Variants in ANOS1 observed in about 807,000 individuals in gnomAD.
ANOS1 encodes the protein anosmin-1.
A neutral mutation model predicts 59.0 loss-of-function variants in ANOS1; 6 were observed. The observed-to-expected ratio is 0.10, with a 90% CI of 0.06 to 0.20. The LOEUF (loss-of-function observed/expected upper bound fraction) is 0.20. Ranked by LOEUF, ANOS1 falls within the 10% of genes least tolerant of loss-of-function variation. The pLI is 1.00. For synonymous variants in ANOS1, 217 were observed against 223.4 expected, an observed-to-expected ratio of 0.97 and a Z score of 0.25; for missense variants, 433 against 542.3, an observed-to-expected ratio of 0.80 and a Z score of 2.00.
intron 3 of ANOS1, among the ~76,000 whole-genome samples, chrX:8,603,390 G>C (rs1423978843): frequency 8.9e-6 from 1 of 111,823 alleles, no homozygotes; most frequent in Admixed American, 9.5e-5. Flanking sequence ...TCTCCTAAGA[G>C]CTAAAAACTA....
chrX:8,584,433 A>T (rs1024587095), intron 6 of ANOS1, among the ~76,000 whole-genome samples: 6 of 94,703 alleles, frequency 6.3e-5, no homozygotes, highest in Non-Finnish European at 8.6e-5. Flanking sequence ...TTTGTTTTTA[A>T]AAAAAAGAGG....
In ANOS1 at chrX:8,561,235, G is replaced by C. The variant is rs535722886; in HGVS notation, c.1207+6997C>G. Among the ~76,000 whole-genome samples, 24 of 112,478 alleles carry C rather than the reference G, an allele frequency of 2.1e-4. No individual in the cohort carries two copies. The South Asian group carries it at 8.8e-3, about 41-fold the overall frequency. On this transcript the variant is annotated intron_variant, in intron 8 of 13. Transcript: ENST00000262648. ...GCACATTTGTTAGATTCGCATTTAG[G>C]CTATTTTAGCTTAAAGAGTTCAAAT...
chrX:8,695,568 G>C (rs900550622), intron 2 of ANOS1, among the ~76,000 whole-genome samples: 3 of 110,913 alleles, frequency 2.7e-5, no homozygotes, highest in Non-Finnish European at 5.7e-5. Context: ...GCCATCTTTA[G>C]GCTGTATCTT....
intron 4 of ANOS1, among the ~76,000 whole-genome samples, chrX:8,592,293 GA>G (rs35187783): frequency 0.069 from 7,701 of 111,567 alleles, 241 homozygotes; most frequent in Admixed American, 0.13. Context: ...GCAAAATGTT[GA>G]AAATTTATTT....
intron 2 of ANOS1, among the ~76,000 whole-genome samples, chrX:8,644,706 C>T (rs905819212): frequency 9.0e-6 from 1 of 111,606 alleles, no homozygotes; most frequent in Non-Finnish European, 1.9e-5. Flanking sequence ...TGACAAGAAC[C>T]TTGGCTTCTT....
chrX:8,685,659 A>G (rs1000011339), intron 2 of ANOS1, among the ~76,000 whole-genome samples: 5 of 102,756 alleles, frequency 4.9e-5, no homozygotes, highest in Non-Finnish European at 9.9e-5. Flanking sequence ...AAAGAAAGAA[A>G]AAGAAAGGAA....
At chrX:8,710,132 G>A (rs369281736) in intron 1 of ANOS1, among the ~76,000 whole-genome samples, 6 of 110,698 alleles carry the variant, frequency 5.4e-5, no homozygotes, top group East Asian at 5.7e-4. Flanking sequence ...GGGTTTCACC[G>A]TGCTAGCCAG....
At chrX:8,611,161 G>A (rs942852401) in intron 3 of ANOS1, among the ~76,000 whole-genome samples, 1 of 109,922 alleles carries the variant, frequency 9.1e-6, no homozygotes, top group Non-Finnish European at 1.9e-5. Flanking sequence ...GAAGTAAAAA[G>A]GAAGAAATGA....
At chrX:8,597,365 G>C in intron 3 of ANOS1, 109 bp from the exon 4 acceptor site, 1 of 663,365 alleles carries the variant, frequency 1.5e-6, no homozygotes, top group Non-Finnish European at 2.3e-6. Context: ...ACCTTTGTTT[G>C]AATATTTGAC....
intron 1 of ANOS1, among the ~76,000 whole-genome samples, chrX:8,728,915 C>T (rs1355499116): frequency 8.9e-6 from 1 of 111,840 alleles, no homozygotes; most frequent in Non-Finnish European, 1.9e-5. Context: ...CAGAAACAGC[C>T]TGCAGACCTG....
chrX:8,577,336 C>T (rs1051672838), intron 6 of ANOS1, among the ~76,000 whole-genome samples: 1 of 111,593 alleles, frequency 9.0e-6, no homozygotes. Flanking sequence ...GGATGGGAGG[C>T]ACACCACAAG....
At chrX:8,677,486 C>T (rs1384080795) in intron 2 of ANOS1, among the ~76,000 whole-genome samples, 2 of 111,535 alleles carry the variant, frequency 1.8e-5, no homozygotes, top group Non-Finnish European at 1.9e-5. Context: ...AAATGTTGGA[C>T]GGATGGATAC....
intron 13 of ANOS1, among the ~76,000 whole-genome samples, chrX:8,533,912 C>T (rs1270892292): frequency 1.2e-5 from 1 of 84,409 alleles, no homozygotes; most frequent in Non-Finnish European, 2.4e-5. Context: ...GTTTAAAAGA[C>T]AAGGAAAAAA....
intron 2 of ANOS1, among the ~76,000 whole-genome samples, chrX:8,670,013 A>G (rs1054271739): frequency 8.9e-6 from 1 of 111,793 alleles, no homozygotes; most frequent in African/African-American, 3.2e-5. Flanking sequence ...ACGATGAGAG[A>G]AAAGTAGAGA....
chrX:8,700,354 A>G (rs922894909), intron 1 of ANOS1, among the ~76,000 whole-genome samples: 5 of 110,037 alleles, frequency 4.5e-5, no homozygotes, highest in African/African-American at 1.3e-4. Context: ...GCAGAGCAGG[A>G]GAGAGAGAGA....
intron 1 of ANOS1, among the ~76,000 whole-genome samples, chrX:8,724,068 GTTTC>G (rs1265806909): frequency 8.9e-6 from 1 of 112,521 alleles, no homozygotes; most frequent in South Asian, 3.6e-4. Flanking sequence ...TTCTGAATCT[GTTTC>G]TTTATTTAAA....
Position 8,577,793 on chromosome X carries a change from A to G in ANOS1, c.857-7089T>C, listed in dbSNP as rs776301416. 1.6e-3 allele frequency among the ~76,000 whole-genome samples: 175 copies of G among 112,129 alleles called. 1 individual carries two copies. Among genetic ancestry groups the G allele is most frequent in the South Asian group, 3.8e-3 (10 of 2,657 alleles). ...GAAAGACTTTGAGCCTATGTTGGGTAAAGTGACAATAAAATCACTTATCAC... is the reference window on the plus strand; with the variant it reads ...GAAAGACTTTGAGCCTATGTTGGGTGAAGTGACAATAAAATCACTTATCAC... On this transcript the variant is annotated intron_variant, in intron 6 of 13. Transcript: ENST00000262648.
Position 8,585,303 on chromosome X carries a change from A to C in ANOS1, c.820T>G (p.Phe274Val). Residue 274 changes from phenylalanine to valine, a missense_variant, in exon 6 of 14, where the codon TTC becomes GTC. By Grantham distance (50) the Phe-to-Val change is conservative. Coordinates refer to ENST00000262648, the MANE Select transcript of ANOS1 (RefSeq NM_000216.4). The stretch of plus-strand genomic sequence containing the variant: ...CGGAAGTGTTTGCTGGGGGCAGTGA[A>C]GCCTCGAGTTCCATGCACATTCACA... ...AAVNVHGTRGFTAPSKHFRSS... is the reference protein window; with the variant it reads ...AAVNVHGTRGVTAPSKHFRSS... 1 of 1,210,822 alleles carries C rather than the reference A, an allele frequency of 8.3e-7. No homozygotes were observed.
intron 7 of ANOS1, among the ~76,000 whole-genome samples, chrX:8,569,745 T>C (rs1930194347): frequency 8.9e-6 from 1 of 112,517 alleles, no homozygotes; most frequent in Admixed American, 9.5e-5. Context: ...TATTGAAATC[T>C]TTAGCCTTGC....
Sources: gnomAD v4.1 joint callset for allele counts (sites outside exome capture counted in the v4.1 genomes callset) on GRCh38, gnomAD v4.1.1 for gene constraint, MANE v1.5 for transcripts, NCBI Gene and HGNC (gene_info 2026-07-23, HGNC 2026-07-21) for gene names.